Variants in TXNDC16 observed in about 807,000 individuals in gnomAD.
The protein encoded by TXNDC16 is thioredoxin domain containing 16, also known as thioredoxin domain-containing protein 16.
TXNDC16 carries 74 observed loss-of-function variants against 85.6 expected under a neutral mutation model. The observed-to-expected ratio is 0.86, with a 90% CI of 0.72 to 1.05. The LOEUF (loss-of-function observed/expected upper bound fraction) is 1.05. TXNDC16 is among the 50% of genes least tolerant of loss of function. TXNDC16 has a pLI of 0.00. For missense variants in TXNDC16, 959 were observed against 947.0 expected (o/e 1.01, Z -0.17); for synonymous variants, 335 against 326.5 (o/e 1.03, Z -0.28).
intron 9 of TXNDC16, among the ~76,000 whole-genome samples, chr14:52,506,444 C>T (rs887148905): frequency 2.0e-5 from 3 of 151,114 alleles, no homozygotes; most frequent in Non-Finnish European, 2.9e-5. Context: ...AAACGTAATC[C>T]AGCATATAAA....
chr14:52,514,510 C>A (rs912299337), intron 8 of TXNDC16, among the ~76,000 whole-genome samples: 1 of 152,148 alleles, frequency 6.6e-6, no homozygotes, highest in African/African-American at 2.4e-5. Context: ...ATTATTATGA[C>A]AAAGTAACTT....
At chr14:52,492,858 A>C (rs2036439680) in intron 9 of TXNDC16, among the ~76,000 whole-genome samples, 1 of 152,188 alleles carries the variant, frequency 6.6e-6, no homozygotes, top group South Asian at 2.1e-4. Context: ...TATTTTGGCC[A>C]CATCTCTCAA....
chr14:52,465,548 C>T (rs552334351), intron 16 of TXNDC16, among the ~76,000 whole-genome samples: 130 of 148,812 alleles, frequency 8.7e-4, no homozygotes, highest in Admixed American at 1.8e-3. Context: ...GCCGAGATCG[C>T]GCCACTGCAC....
intron 6 of TXNDC16, among the ~76,000 whole-genome samples, chr14:52,533,500 T>C (rs1010705802): frequency 3.9e-5 from 6 of 152,122 alleles, no homozygotes; most frequent in African/African-American, 1.4e-4. Flanking sequence ...ATCTCTCAAA[T>C]ACTAATCTGA....
chr14:52,538,578 A>G (rs1367856057), intron 4 of TXNDC16, among the ~76,000 whole-genome samples: 1 of 152,174 alleles, frequency 6.6e-6, no homozygotes, highest in African/African-American at 2.4e-5. Context: ...TTTTACAAAT[A>G]CAATACATAC....
intron 6 of TXNDC16, among the ~76,000 whole-genome samples, chr14:52,533,847 A>G (rs2037639129): frequency 6.6e-6 from 1 of 152,154 alleles, no homozygotes; most frequent in African/African-American, 2.4e-5. Context: ...TGACTCAAAG[A>G]TAAGAAAAGC....
chr14:52,447,074 C>T (rs990779456), intron 18 of TXNDC16, among the ~76,000 whole-genome samples: 1 of 151,968 alleles, frequency 6.6e-6, no homozygotes, highest in African/African-American at 2.4e-5. Flanking sequence ...CCAGCTCTGC[C>T]AGAGAAGGGT....
At chr14:52,488,319 G>T in intron 12 of TXNDC16, 44 bp downstream of exon 12, 1 of 1,605,746 alleles carries the variant, frequency 6.2e-7, no homozygotes, top group Non-Finnish European at 8.5e-7. Context: ...GACTTTATGG[G>T]TGCTGGGCAG....
Position 52,525,690 on chromosome 14 carries a change from T to C in TXNDC16, c.393-6397A>G, listed in dbSNP as rs921805339. ...TCCAGGCTGGGCGACAGAGTGAGAC[T>C]CCATCTCAAAATAATAATAATAATA... is the stretch of plus-strand genomic sequence containing the variant. On this transcript the variant is annotated intron_variant, in intron 6 of 20. Coordinates refer to ENST00000281741, the MANE Select transcript of TXNDC16 (RefSeq NM_020784.3). Among the ~76,000 whole-genome samples, 4 of 144,838 alleles carry C rather than the reference T, an allele frequency of 2.8e-5. No homozygotes were observed. In the Admixed American group the frequency reaches 2.8e-4, roughly 10 times the overall value.
intron 9 of TXNDC16, among the ~76,000 whole-genome samples, chr14:52,492,421 T>C (rs1272450122): frequency 3.9e-5 from 6 of 152,188 alleles, no homozygotes; most frequent in Non-Finnish European, 8.8e-5. Flanking sequence ...GCTTACTGCC[T>C]AAGAGACATA....
chr14:52,508,202 C>T (rs2036862002), intron 9 of TXNDC16, among the ~76,000 whole-genome samples: 1 of 152,142 alleles, frequency 6.6e-6, no homozygotes, highest in Non-Finnish European at 1.5e-5. Flanking sequence ...CTACAATGAA[C>T]TCAAACAAAT....
intron 9 of TXNDC16, among the ~76,000 whole-genome samples, chr14:52,500,666 C>A (rs930321165): frequency 6.6e-6 from 1 of 152,102 alleles, no homozygotes; most frequent in East Asian, 1.9e-4. Context: ...CTATGCTGCA[C>A]AATATTGCAC....
chr14:52,456,278 T>A (rs1689242077), intron 17 of TXNDC16, among the ~76,000 whole-genome samples: 1 of 152,190 alleles, frequency 6.6e-6, no homozygotes, highest in Non-Finnish European at 1.5e-5. Flanking sequence ...AAACTACTGG[T>A]CTAGCTCTTT....
rs554232112 is a variant in TXNDC16, at chr14:52,486,822, G to A, written c.1108+1541C>T. On this transcript the variant is annotated intron_variant, in intron 12 of 20. Transcript: ENST00000281741. ...TACTAGAAACAGGCTGGAGGTTATT[G>A]AATGTTTCCAACACAAAGAAACGAT... Among the ~76,000 whole-genome samples the A allele has an allele frequency of 7.9e-5, 12 of 152,230 alleles. 1 individual carries two copies. In the East Asian group the frequency reaches 2.3e-3, roughly 29 times the overall value.
intron 14 of TXNDC16, among the ~76,000 whole-genome samples, chr14:52,474,714 G>C (rs988180101): frequency 6.7e-6 from 1 of 150,352 alleles, no homozygotes; most frequent in African/African-American, 2.5e-5. Flanking sequence ...TGGGCGACAA[G>C]AGTGAAACTC....
Position 52,431,235 on chromosome 14 carries a change from G to A in TXNDC16, c.*1069C>T, listed in dbSNP as rs1449982865. On this transcript the variant is annotated 3_prime_UTR_variant, in exon 21 of 21. Coordinates refer to ENST00000281741, the MANE Select transcript of TXNDC16 (RefSeq NM_020784.3). ...AACTGATTTGTCTGAAGCTTGCAAG[G>A]GTAGATTTCAGAGACGCTTCAGATG... The A allele has an allele frequency of 6.6e-6, 1 of 152,218 alleles. No individual in the cohort carries two copies. Among genetic ancestry groups the A allele is most frequent in the African/African-American group, 2.4e-5 (1 of 41,440 alleles). The allele number at this position is 152,218 out of a possible 1,614,324, so 9.4% of individuals were successfully genotyped here.
intron 6 of TXNDC16, among the ~76,000 whole-genome samples, chr14:52,527,729 A>G (rs1396565742): frequency 6.6e-6 from 1 of 152,156 alleles, no homozygotes; most frequent in Non-Finnish European, 1.5e-5. Context: ...TTATTGCCGT[A>G]AGGTCAATTC....
chr14:52,460,472 G>A (rs1461589175), intron 16 of TXNDC16, among the ~76,000 whole-genome samples: 7 of 152,120 alleles, frequency 4.6e-5, no homozygotes, highest in Admixed American at 1.3e-4. Flanking sequence ...ATTATCTTCT[G>A]ACAATGTTTT....
chr14:52,543,491 G>A lies in TXNDC16; in HGVS notation c.67C>T (p.Pro23Ser). Reference protein sequence around the residue: ...SFVIMCIFYMPTVNSLPELSP... With the variant: ...SFVIMCIFYMSTVNSLPELSP... ...AGTTCTGGTAAAGAGTTTACTGTTG[G>A]CATGTAAAAAATGCACATTATGACA... Residue 23 changes from proline (P) to serine (S), a missense_variant, in exon 3 of 21, where the codon CCA (proline) becomes TCA (serine). Pro to Ser is a moderately conservative substitution (Grantham distance 74). Transcript: ENST00000281741. The A allele has an allele frequency of 6.2e-7, 1 of 1,613,472 alleles. No homozygotes were observed. The highest frequency in any genetic ancestry group is 8.5e-7 in the Non-Finnish European group (1 of 1,179,668).
Sources: allele counts gnomAD v4.1 joint callset (sites outside exome capture counted in the v4.1 genomes callset), GRCh38; gene constraint gnomAD v4.1.1; transcripts MANE v1.5; gene names NCBI Gene and HGNC (gene_info 2026-07-23, HGNC 2026-07-21).